Variants in RARB observed in about 807,000 individuals in gnomAD.
The protein encoded by RARB is HBV-activated protein.
RARB carries 17 observed loss-of-function variants against 51.9 expected under a neutral mutation model. That is an observed-to-expected ratio of 0.33 (90% CI 0.22 to 0.49). RARB has a LOEUF of 0.49. RARB is among the 20% of genes least tolerant of loss of function. The pLI, the probability that RARB is intolerant of heterozygous loss-of-function variation, is 0.99. For synonymous variants in RARB, 215 were observed against 195.4 expected (o/e 1.10, Z -0.84); for missense variants, 369 against 550.8 (o/e 0.67, Z 3.30).
At chr3:25,004,498 T>G (rs1697229313) in intron 2 of RARB, among the ~76,000 whole-genome samples, 1 of 152,122 alleles carries the variant, frequency 6.6e-6, no homozygotes, top group Non-Finnish European at 1.5e-5. Flanking sequence ...AACTTGCCCT[T>G]TTATGATGAA....
intron 5 of RARB, among the ~76,000 whole-genome samples, chr3:25,229,056 A>G (rs1702119421): frequency 1.3e-5 from 2 of 152,090 alleles, no homozygotes; most frequent in African/African-American, 4.8e-5. Flanking sequence ...GGGATCGACT[A>G]TTGTCTGAGT....
intron 2 of RARB, among the ~76,000 whole-genome samples, chr3:24,909,477 G>A (rs1293911788): frequency 1.3e-5 from 2 of 152,052 alleles, no homozygotes; most frequent in Admixed American, 6.6e-5. Context: ...GTGTGCACAC[G>A]AGGCCTGTCT....
At chr3:25,577,109 T>A (rs1700967369) in intron 4 of RARB, among the ~76,000 whole-genome samples, 1 of 152,166 alleles carries the variant, frequency 6.6e-6, no homozygotes, top group Non-Finnish European at 1.5e-5. Context: ...AGTAGAAATA[T>A]GTGAGGAACC....
chr3:25,451,687 T>C (rs13070407), intron 1 of RARB, among the ~76,000 whole-genome samples: 32,631 of 152,146 alleles, frequency 0.21, 4,137 homozygotes, highest in South Asian at 0.33. Flanking sequence ...ATAATTTCAT[T>C]GTTGTCTTCC....
chr3:24,933,436 G>A lies in RARB; in HGVS notation c.-380+74684G>A, dbSNP rs542778281. On this transcript the variant is annotated intron_variant, in intron 2 of 11. Coordinates refer to the RARB transcript ENST00000383772. ...TGTACCCTGACAAGAAATTTTTCAA[G>A]AAGTCAGTTTAAATAAAATTGCATT... is the stretch of plus-strand genomic sequence containing the variant. Among the ~76,000 whole-genome samples, 3 of 152,174 alleles carry A rather than the reference G, an allele frequency of 2.0e-5. No homozygotes were observed. The East Asian group carries it at 5.8e-4, about 29-fold the overall frequency.
chr3:25,448,655 T>C (rs1206190385), intron 1 of RARB, among the ~76,000 whole-genome samples: 2 of 152,050 alleles, frequency 1.3e-5, no homozygotes. Context: ...TTAGTAGAGA[T>C]AGGGTTTCTT....
intron 2 of RARB, among the ~76,000 whole-genome samples, chr3:24,908,848 A>AT (rs1694929198): frequency 6.6e-6 from 1 of 151,766 alleles, no homozygotes; most frequent in African/African-American, 2.4e-5. Context: ...TAAAATTTAA[A>AT]TTTTTTCCCC....
At chr3:25,243,951 T>G (rs111652469) in intron 5 of RARB, among the ~76,000 whole-genome samples, 13,246 of 152,264 alleles carry the variant, frequency 0.087, 756 homozygotes, top group Non-Finnish European at 0.13. Context: ...GGGCTCTTTT[T>G]AATTGATAGG....
intron 2 of RARB, among the ~76,000 whole-genome samples, chr3:24,943,079 A>G (rs1383103957): frequency 1.3e-5 from 2 of 152,058 alleles, no homozygotes; most frequent in Non-Finnish European, 2.9e-5. Context: ...TAGTCCATGA[A>G]CTCCTAGTGA....
chr3:25,275,627 C>G (rs962075569), intron 5 of RARB, among the ~76,000 whole-genome samples: 1 of 152,176 alleles, frequency 6.6e-6, no homozygotes, highest in Non-Finnish European at 1.5e-5. Context: ...CCGAGAAGCC[C>G]TGTAAGGGAA....
At position 24,929,525 on chromosome 3, in the gene RARB, G is replaced by A. The variant is rs141916891; in HGVS notation, c.-380+70773G>A. Among the ~76,000 whole-genome samples the A allele has an allele frequency of 1.8e-3, 272 of 152,112 alleles. 1 individual carries two copies. The highest frequency in any genetic ancestry group is 2.8e-3 in the Non-Finnish European group (192 of 67,930). ...TTATTCTACCTAAAAATGTTTTTAA[G>A]CAAAAAAGCCAACATAGACTGGTCA... On this transcript the variant is annotated intron_variant, in intron 2 of 11. Coordinates refer to the RARB transcript ENST00000383772.
At chr3:24,922,332 G>GT (rs1428671954) in intron 2 of RARB, among the ~76,000 whole-genome samples, 2 of 152,172 alleles carry the variant, frequency 1.3e-5, no homozygotes, top group Non-Finnish European at 2.9e-5. Context: ...GAGATTTTAG[G>GT]TTTTTGCCTC....
At chr3:25,335,564 A>C (rs967477469) in intron 5 of RARB, among the ~76,000 whole-genome samples, 1 of 152,162 alleles carries the variant, frequency 6.6e-6, no homozygotes, top group Non-Finnish European at 1.5e-5. Context: ...TCCATTGTGC[A>C]GTCACCTCTT....
intron 5 of RARB, among the ~76,000 whole-genome samples, chr3:25,341,078 A>T (rs886754838): frequency 3.3e-5 from 5 of 152,202 alleles, no homozygotes; most frequent in Non-Finnish European, 7.3e-5. Context: ...GAACATAATT[A>T]ACTGAACACT....
At chr3:25,150,790 A>T (rs1198648786) in intron 4 of RARB, among the ~76,000 whole-genome samples, 2 of 152,236 alleles carry the variant, frequency 1.3e-5, no homozygotes, top group African/African-American at 2.4e-5. Flanking sequence ...CAAAGAATCC[A>T]GCCTTCTAGT....
At chr3:24,962,810 A>G (rs760075710) in intron 2 of RARB, among the ~76,000 whole-genome samples, 181 of 152,344 alleles carry the variant, frequency 1.2e-3, no homozygotes, top group Non-Finnish European at 1.4e-3. Context: ...ATAAATGAGT[A>G]CTATCATGTG....
rs77728448 is a variant in RARB at position 25,024,067 on chromosome 3, A to T, written c.-379-36058A>T. The stretch of plus-strand genomic sequence containing the variant: ...AGGGACTATCAAGCTCTACTCTCAG[A>T]GTCTTCCAGTATTAATCAGCCATAA... On this transcript the variant is annotated intron_variant, in intron 2 of 11. Transcript: ENST00000383772. 5.0e-3 allele frequency among the ~76,000 whole-genome samples: 759 copies of T among 152,308 alleles called. 5 individuals carry two copies. The highest frequency in any genetic ancestry group is 0.017 in the African/African-American group (702 of 41,580).
At chr3:25,142,098 G>A (rs1055179784) in intron 4 of RARB, among the ~76,000 whole-genome samples, 1 of 152,214 alleles carries the variant, frequency 6.6e-6, no homozygotes, top group Admixed American at 6.5e-5. Flanking sequence ...TTGGGAGGAT[G>A]AGGCGGACAG....
chr3:25,383,967 T>G (rs1017849412), intron 5 of RARB, among the ~76,000 whole-genome samples: 1 of 151,892 alleles, frequency 6.6e-6, no homozygotes, highest in African/African-American at 2.4e-5. Flanking sequence ...TAAATTTGAA[T>G]AGCAACATGT....
Sources: allele counts gnomAD v4.1 joint callset (sites outside exome capture counted in the v4.1 genomes callset), GRCh38; gene constraint gnomAD v4.1.1; transcripts MANE v1.5; gene names NCBI Gene and HGNC (gene_info 2026-07-23, HGNC 2026-07-21).